Variants in UBR3 observed in about 807,000 individuals in gnomAD.
The protein encoded by UBR3 is ubiquitin protein ligase E3 component n-recognin 3.
Under a neutral mutation model 243.2 loss-of-function variants are expected in UBR3, and 85 were observed. The observed-to-expected ratio is 0.35, with a 90% confidence interval of 0.29 to 0.42. The LOEUF is 0.42. Ranked by LOEUF, UBR3 falls within the 10% of genes least tolerant of loss-of-function variation. The probability of loss-of-function intolerance (pLI) is 1.00; values close to 1 mark genes in which losing one functional copy is unlikely to be tolerated. For missense variants in UBR3, 1,686 were observed against 2,300.8 expected, an observed-to-expected ratio of 0.73 and a Z score of 5.47; for synonymous variants, 748 against 799.8, an observed-to-expected ratio of 0.94 and a Z score of 1.09.
intron 19 of UBR3, 27 bp downstream of exon 19, chr2:169,933,035 A>G (rs769095643): frequency 4.6e-5 from 67 of 1,458,960 alleles, no homozygotes; most frequent in South Asian, 1.1e-4. Flanking sequence ...GATTAGCATC[A>G]TAACAGTATT....
At chr2:169,986,966 G>A (rs761540538) in intron 25 of UBR3, among the ~76,000 whole-genome samples, 172 bp downstream of exon 25, 2 of 152,094 alleles carry the variant, frequency 1.3e-5, no homozygotes, top group African/African-American at 2.4e-5. Context: ...TTATTTTCCT[G>A]GACATGAGTG....
chr2:170,016,866 C>A (rs2090251303), intron 30 of UBR3: 1 of 850,858 alleles, frequency 1.2e-6, no homozygotes, highest in East Asian at 1.1e-4. Context: ...TTTACTAAAT[C>A]AGAAATTATA....
chr2:169,961,543 C>T (rs1048470305), intron 24 of UBR3, among the ~76,000 whole-genome samples: 1 of 152,072 alleles, frequency 6.6e-6, no homozygotes, highest in African/African-American at 2.4e-5. Flanking sequence ...CTGGAAGGGA[C>T]TTTAGTCTAC....
intron 24 of UBR3, among the ~76,000 whole-genome samples, chr2:169,983,970 A>G (rs555346743): frequency 5.3e-5 from 8 of 152,342 alleles, no homozygotes; most frequent in Admixed American, 4.6e-4. Flanking sequence ...GTTATTTGGT[A>G]GCAAGAATAT....
At chr2:170,064,048 T>C (rs2091504500) in intron 35 of UBR3, among the ~76,000 whole-genome samples, 3 of 152,330 alleles carry the variant, frequency 2.0e-5, no homozygotes, top group African/African-American at 7.2e-5. Context: ...TGGCAGTCAG[T>C]TGAGTACAAA....
chr2:170,013,961 G>A, intron 29 of UBR3: 1 of 466,644 alleles, frequency 2.1e-6, no homozygotes, highest in Admixed American at 2.4e-5. Context: ...CCTTGTCCCT[G>A]CTTCCTTGCT....
intron 13 of UBR3, 136 bp from the exon 14 acceptor site, chr2:169,925,483 G>A: frequency 1.3e-6 from 1 of 762,054 alleles, no homozygotes; most frequent in Non-Finnish European, 1.9e-6. Flanking sequence ...TATTTCAACT[G>A]ATTATCTTTA....
At chr2:169,938,410 G>A (rs1454135683) in intron 19 of UBR3, among the ~76,000 whole-genome samples, 2 of 151,630 alleles carry the variant, frequency 1.3e-5, no homozygotes, top group Non-Finnish European at 2.9e-5. Context: ...ACAGACATAC[G>A]CCATCACACA....
chr2:169,868,801 CTT>C lies in UBR3; in HGVS notation c.546-3431_546-3430del, dbSNP rs1418181574. ...TCAGATTCCCTCGGAAAGGAATTTC[CTT>C]TTTGAAAGACTAAAATATGCCTTTC... On this transcript the variant is annotated intron_variant, in intron 1 of 38. Transcript: ENST00000272793. Among the ~76,000 whole-genome samples the C allele has an allele frequency of 2.0e-5, 3 of 152,326 alleles. No individual in the cohort carries two copies. In the East Asian group the frequency reaches 5.8e-4, roughly 29 times the overall value.
At chr2:170,007,676 CA>C (rs1485325635) in intron 28 of UBR3, among the ~76,000 whole-genome samples, 2 of 152,034 alleles carry the variant, frequency 1.3e-5, no homozygotes, top group Non-Finnish European at 1.5e-5. Context: ...CCAGCCTGAC[CA>C]ACATGGCAAA....
intron 1 of UBR3, among the ~76,000 whole-genome samples, chr2:169,861,490 C>T (rs940422283): frequency 3.3e-5 from 5 of 151,892 alleles, no homozygotes; most frequent in African/African-American, 9.7e-5. Flanking sequence ...GCCTGTAATC[C>T]TGGCTACTCG....
intron 32 of UBR3, among the ~76,000 whole-genome samples, chr2:170,050,126 A>G (rs565314544): frequency 2.0e-5 from 3 of 152,274 alleles, no homozygotes; most frequent in African/African-American, 7.2e-5. Context: ...TCTTGGTTCT[A>G]TGTTGACTAA....
At chr2:169,985,428 C>T (rs986343713) in intron 24 of UBR3, among the ~76,000 whole-genome samples, 1 of 151,932 alleles carries the variant, frequency 6.6e-6, no homozygotes, top group Non-Finnish European at 1.5e-5. Context: ...CAGGGTTTCA[C>T]TATGTTGGCC....
chr2:169,910,083 C>T (rs906931417), intron 10 of UBR3, among the ~76,000 whole-genome samples: 4 of 151,798 alleles, frequency 2.6e-5, no homozygotes, highest in East Asian at 1.9e-4. Context: ...TTGAGATGTC[C>T]GTGAAATGTC....
intron 25 of UBR3, 113 bp downstream of exon 25, chr2:169,986,907 C>A: frequency 8.6e-7 from 1 of 1,156,944 alleles, no homozygotes; most frequent in Non-Finnish European, 1.2e-6. Context: ...TATAACTAGG[C>A]AAGGGTCAGT....
chr2:169,888,109 C>CTTTATTTATTTATTTATTTA (rs139609742), intron 5 of UBR3, among the ~76,000 whole-genome samples: 3 of 138,692 alleles, frequency 2.2e-5, no homozygotes, highest in East Asian at 2.1e-4. Flanking sequence ...TGTGTTATGA[C>CTTTATTTATTTATTTATTTA]TTTATTTATT....
intron 32 of UBR3, among the ~76,000 whole-genome samples, chr2:170,050,795 A>C (rs879301022): frequency 6.6e-6 from 1 of 152,208 alleles, no homozygotes; most frequent in Non-Finnish European, 1.5e-5. Context: ...GGTGTTACAC[A>C]TGGCAAGCAT....
intron 1 of UBR3, among the ~76,000 whole-genome samples, chr2:169,867,522 T>A (rs2083299358): frequency 6.6e-6 from 1 of 152,212 alleles, no homozygotes; most frequent in African/African-American, 2.4e-5. Context: ...TATTTCTGTA[T>A]AATAAATTCA....
intron 1 of UBR3, among the ~76,000 whole-genome samples, chr2:169,851,945 G>C (rs558868148): frequency 2.0e-5 from 3 of 151,692 alleles, no homozygotes; most frequent in African/African-American, 7.3e-5. Context: ...CTACTCTTTT[G>C]CTTACTGCTG....
Sources: gnomAD v4.1 joint callset for allele counts (sites outside exome capture counted in the v4.1 genomes callset) on GRCh38, gnomAD v4.1.1 for gene constraint, MANE v1.5 for transcripts, NCBI Gene and HGNC (gene_info 2026-07-23, HGNC 2026-07-21) for gene names.